FZD6: variants seen among roughly 807,000 people sequenced by gnomAD.
The protein encoded by FZD6 is frizzled class receptor 6.
Under a neutral mutation model 61.4 loss-of-function variants are expected in FZD6, and 49 were observed. The ratio of observed to expected loss-of-function variants is 0.80; its 90% CI spans 0.63 to 1.01. The LOEUF (loss-of-function observed/expected upper bound fraction) is 1.01. FZD6 is among the 50% of genes least tolerant of loss of function. The probability of loss-of-function intolerance (pLI) is 0.00; values close to 1 mark genes in which losing one functional copy is unlikely to be tolerated. For synonymous variants in FZD6, 265 were observed against 292.2 expected, an observed-to-expected ratio of 0.91 and a Z score of 0.95; for missense variants, 724 against 848.2, an observed-to-expected ratio of 0.85 and a Z score of 1.82.
At chr8:103,320,994 G>A (rs990447323) in intron 3 of FZD6, among the ~76,000 whole-genome samples, 14 of 152,174 alleles carry the variant, frequency 9.2e-5, no homozygotes, top group African/African-American at 3.4e-4. Context: ...TGGAGGGAAG[G>A]AGAAGATTCA....
intron 3 of FZD6, among the ~76,000 whole-genome samples, chr8:103,320,326 C>A (rs941974750): frequency 2.0e-5 from 3 of 152,042 alleles, no homozygotes; most frequent in African/African-American, 7.2e-5. Flanking sequence ...ATGTGTGGAT[C>A]TCATCTGGCC....
chr8:103,300,009 A>T lies in FZD6; in HGVS notation c.-99A>T. On this transcript the variant is annotated 5_prime_UTR_variant, in exon 2 of 7. Coordinates refer to ENST00000358755, the MANE Select transcript of FZD6 (RefSeq NM_003506.4). ...AGCCTGAAAATGAGTAAAATAGTGA[A>T]ATGAGGAATTTGAACATTTTATCTT... The T allele has an allele frequency of 1.3e-6, 1 of 788,284 alleles. No individual in the cohort carries two copies. The highest frequency in any genetic ancestry group is 2.2e-6 in the Non-Finnish European group (1 of 448,068). The allele number at this position is 788,284 out of a possible 1,614,324, so 48.8% of individuals were successfully genotyped here. A position where few individuals can be genotyped will look rare whatever the true frequency, so the allele number is the denominator to read the frequency against.
chr8:103,317,225 A>C (rs571047641), intron 2 of FZD6, among the ~76,000 whole-genome samples: 1 of 152,222 alleles, frequency 6.6e-6, no homozygotes, highest in Non-Finnish European at 1.5e-5. Flanking sequence ...TGGAACTATA[A>C]GAAGTAGAAG....
chr8:103,313,609 C>T (rs942679447), intron 2 of FZD6, among the ~76,000 whole-genome samples: 6 of 152,176 alleles, frequency 3.9e-5, no homozygotes, highest in Non-Finnish European at 8.8e-5. Flanking sequence ...TGCATGTGTG[C>T]ACACACAGAC....
At chr8:103,321,088 T>C (rs1402092964) in intron 3 of FZD6, among the ~76,000 whole-genome samples, 1 of 152,168 alleles carries the variant, frequency 6.6e-6, no homozygotes, top group Admixed American at 6.6e-5. Context: ...GCCTACTCAG[T>C]TTCAAAGCAG....
chr8:103,311,804 CT>C (rs895917675), intron 2 of FZD6, among the ~76,000 whole-genome samples: 25 of 150,658 alleles, frequency 1.7e-4, no homozygotes, highest in African/African-American at 5.8e-4. Flanking sequence ...TCTTCATAAA[CT>C]TTTGAGCCAT....
chr8:103,308,175 G>GA (rs1391539001), intron 2 of FZD6, among the ~76,000 whole-genome samples: 1 of 152,186 alleles, frequency 6.6e-6, no homozygotes, highest in Non-Finnish European at 1.5e-5. Context: ...TGCAACTAGA[G>GA]AAAAGGCTGA....
intron 2 of FZD6, among the ~76,000 whole-genome samples, chr8:103,318,162 T>C (rs1272491680): frequency 1.3e-5 from 2 of 152,210 alleles, no homozygotes; most frequent in East Asian, 3.9e-4. Context: ...ATGATCATAA[T>C]TGGGAAATGG....
chr8:103,318,542 C>T, intron 2 of FZD6, 48 bp from the exon 3 acceptor site: 1 of 1,019,584 alleles, frequency 9.8e-7, no homozygotes, highest in Non-Finnish European at 1.6e-6. Flanking sequence ...TAATTTTATT[C>T]ATTTGTTATT....
At position 103,324,491 on chromosome 8, in the gene FZD6, T is replaced by C; in HGVS notation, c.385T>C (p.Cys129Arg). ...TTATAATCTTTACAGATTACAATAC[T>C]GTGATGAGACTGTTCCTGTAACTTT... ...EELECDRLQY[C>R]DETVPVTFDP... is the part of the protein sequence containing the mutation. Residue 129 changes from cysteine to arginine, a missense_variant, in exon 4 of 7, where the codon TGT (cysteine) becomes CGT (arginine). Cys to Arg is a radical substitution (Grantham distance 180). Transcript: ENST00000358755. The C allele has an allele frequency of 6.4e-7, 1 of 1,574,514 alleles. No homozygotes were observed. The highest frequency in any genetic ancestry group is 1.3e-5 in the African/African-American group (1 of 74,212).
intron 2 of FZD6, among the ~76,000 whole-genome samples, chr8:103,313,779 TGTG>T (rs1814560446): frequency 6.6e-6 from 1 of 151,220 alleles, no homozygotes; most frequent in Admixed American, 6.6e-5. Flanking sequence ...TGTGTGTGTG[TGTG>T]TGTGTGTGTG....
chr8:103,318,715 A>C lies in FZD6; in HGVS notation c.303A>C (p.Lys101Asn), dbSNP rs748806283. Residue 101 changes from lysine (K) to asparagine (N), a missense_variant, in exon 3 of 7, where the codon AAA (lysine) becomes AAC (asparagine). Physicochemically the swap from Lys to Asn is moderately conservative, Grantham distance 94. Coordinates refer to ENST00000358755, the MANE Select transcript of FZD6 (RefSeq NM_003506.4). ...CACCTTGTCGTAAACTTTGTGAGAA[A>C]GTATATTCTGATTGCAAAAAATTAA... ...VVPPCRKLCE[K>N]VYSDCKKLID... 3.1e-6 allele frequency: 5 copies of C among 1,610,782 alleles called. No homozygotes were observed. The South Asian group carries it at 5.5e-5, about 18-fold the overall frequency.
At position 103,324,954 on chromosome 8, in the gene FZD6, C is replaced by T; in HGVS notation, c.848C>T (p.Thr283Ile). ...VVLGSQNKACTVLFMLLYFFT... is the reference protein window; with the variant it reads ...VVLGSQNKACIVLFMLLYFFT... ...CTAGGCTCTCAAAATAAGGCTTGCA[C>T]CGTTTTGTTCATGCTTTTGTATTTT... The change falls in exon 4 of 7, where the codon ACC (threonine) becomes ATC (isoleucine). Residue 283 changes from threonine (T) to isoleucine (I), a missense_variant. Thr to Ile is a moderately conservative substitution (Grantham distance 89). Coordinates refer to ENST00000358755, the MANE Select transcript of FZD6 (RefSeq NM_003506.4). 6.2e-7 allele frequency: 1 copy of T among 1,614,086 alleles called. No homozygotes were observed. The highest frequency in any genetic ancestry group is 8.5e-7 in the Non-Finnish European group (1 of 1,179,986).
intron 3 of FZD6, among the ~76,000 whole-genome samples, chr8:103,322,383 A>G (rs1008326737): frequency 1.3e-5 from 2 of 151,830 alleles, no homozygotes; most frequent in Non-Finnish European, 2.9e-5. Flanking sequence ...AAAAAAAAAA[A>G]AAAAAAAGAA....
At chr8:103,328,573 G>A (rs1480080304) in intron 5 of FZD6, among the ~76,000 whole-genome samples, 157 bp downstream of exon 5, 4 of 151,824 alleles carry the variant, frequency 2.6e-5, no homozygotes, top group East Asian at 1.9e-4. Context: ...TGAAAGAGAC[G>A]TGCTTTATTT....
chr8:103,300,000 A>C lies in FZD6; in HGVS notation c.-108A>C, dbSNP rs1814105470. On this transcript the variant is annotated 5_prime_UTR_variant, in exon 2 of 7. Coordinates refer to ENST00000358755, the MANE Select transcript of FZD6 (RefSeq NM_003506.4). ...TTTCAGGAAAGCCTGAAAATGAGTA[A>C]AATAGTGAAATGAGGAATTTGAACA... is the stretch of plus-strand genomic sequence containing the variant. 1.3e-6 allele frequency: 1 copy of C among 761,270 alleles called. No homozygotes were observed. The highest frequency in any genetic ancestry group is 2.3e-6 in the Non-Finnish European group (1 of 429,186). 47.2% of individuals were successfully genotyped at this position (761,270 alleles called of 1,614,324 possible).
At chr8:103,310,469 T>C (rs1814463510) in intron 2 of FZD6, among the ~76,000 whole-genome samples, 1 of 152,078 alleles carries the variant, frequency 6.6e-6, no homozygotes. Flanking sequence ...CTTGCTATGT[T>C]GCCCCGGCTG....
At chr8:103,317,075 G>C (rs760126044) in intron 2 of FZD6, among the ~76,000 whole-genome samples, 13 of 152,192 alleles carry the variant, frequency 8.5e-5, no homozygotes, top group African/African-American at 1.2e-4. Context: ...GATAAGAGCA[G>C]GATAATTTTA....
At chr8:103,312,440 GT>G (rs1270295636) in intron 2 of FZD6, among the ~76,000 whole-genome samples, 1 of 152,176 alleles carries the variant, frequency 6.6e-6, no homozygotes, top group African/African-American at 2.4e-5. Flanking sequence ...ATGCGACCAG[GT>G]TTGATATTTG....
Sources: allele counts gnomAD v4.1 joint callset (sites outside exome capture counted in the v4.1 genomes callset), GRCh38; gene constraint gnomAD v4.1.1; transcripts MANE v1.5; gene names NCBI Gene and HGNC (gene_info 2026-07-23, HGNC 2026-07-21).